The following PIGF variants were observed in gnomAD, a reference collection of about 807,000 sequenced individuals.
PIGF encodes the protein phosphatidylinositol glycan anchor biosynthesis class F, also known as GPI ethanolamine phosphate transferase, stabilizing subunit.
Under a neutral mutation model 26.0 loss-of-function variants are expected in PIGF, and 23 were observed. The observed-to-expected ratio is 0.88, with a 90% CI of 0.64 to 1.25. The LOEUF is 1.25. Ranked by LOEUF, PIGF falls within the 50% of genes most tolerant of loss-of-function variation. PIGF has a pLI of 0.00. For synonymous variants in PIGF, 93 were observed against 92.6 expected (o/e 1.00, Z -0.03); for missense variants, 278 against 249.9 (o/e 1.11, Z -0.76).
intron 5 of PIGF, among the ~76,000 whole-genome samples, chr2:46,591,022 G>T (rs952461914): frequency 1.2e-4 from 18 of 152,144 alleles, no homozygotes; most frequent in African/African-American, 4.3e-4. Flanking sequence ...ATGTATCAAA[G>T]ATTTAATTCA....
chr2:46,594,787 G>A (rs1472218883), intron 4 of PIGF, among the ~76,000 whole-genome samples: 1 of 151,394 alleles, frequency 6.6e-6, no homozygotes, highest in Non-Finnish European at 1.5e-5. Context: ...GCCGGCCTCA[G>A]CCTCCCAAAG....
intron 4 of PIGF, 54 bp from the exon 5 acceptor site, chr2:46,592,637 A>T (rs1261399345): frequency 1.5e-5 from 13 of 849,464 alleles, no homozygotes; most frequent in Non-Finnish European, 2.5e-5. Flanking sequence ...GCTGCTGGAG[A>T]ATCCAACAAG....
At chr2:46,590,577 CTTTA>C (rs745901123) in intron 5 of PIGF, among the ~76,000 whole-genome samples, 20 of 152,170 alleles carry the variant, frequency 1.3e-4, no homozygotes, top group African/African-American at 2.6e-4. Flanking sequence ...TCCCATAGTA[CTTTA>C]TTTATCAATA....
At chr2:46,606,224 C>A (rs1311485988) in intron 4 of PIGF, among the ~76,000 whole-genome samples, 1 of 152,208 alleles carries the variant, frequency 6.6e-6, no homozygotes, top group East Asian at 1.9e-4. Context: ...AGTGGAAAGT[C>A]TCCTTACTTT....
At chr2:46,614,698 C>A in intron 2 of PIGF, 1 of 365,668 alleles carries the variant, frequency 2.7e-6, no homozygotes, top group South Asian at 4.0e-5. Context: ...TATATAGGCT[C>A]ACAATATTAT....
At chr2:46,613,615 C>G (rs1670498353) in intron 3 of PIGF, 79 bp downstream of exon 3, 2 of 1,009,874 alleles carry the variant, frequency 2.0e-6, no homozygotes, top group Non-Finnish European at 2.8e-6. Context: ...TGGTTTTTCT[C>G]TAGTTGCTAA....
intron 4 of PIGF, among the ~76,000 whole-genome samples, chr2:46,595,639 A>G (rs559648577): frequency 6.6e-6 from 1 of 152,342 alleles, no homozygotes; most frequent in South Asian, 2.1e-4. Flanking sequence ...GTTAGGTCCT[A>G]TGGAAACTCT....
At chr2:46,595,977 C>T (rs1305879620) in intron 4 of PIGF, among the ~76,000 whole-genome samples, 4 of 152,038 alleles carry the variant, frequency 2.6e-5, no homozygotes, top group Non-Finnish European at 4.4e-5. Context: ...CACTTCAGGA[C>T]GCAGAGGCGG....
Position 46,616,237 on chromosome 2 carries a change from G to A in PIGF, c.-22+733C>T, listed in dbSNP as rs150892908. The A allele has an allele frequency of 6.7e-3, 1,025 of 152,378 alleles. 5 individuals carry two copies. The highest frequency in any genetic ancestry group is 0.014 in the Middle Eastern group (4 of 294). The allele number at this position is 152,378 out of a possible 1,614,324, so 9.4% of individuals were successfully genotyped here. A position where few individuals can be genotyped will look rare whatever the true frequency, so the allele number is the denominator to read the frequency against. ...CCCATGCGCTACAGCCATCTCTCTG[G>A]TATAAGGAAATACACTAGGCATGAA... On this transcript the variant is annotated intron_variant, in intron 1 of 5. Coordinates refer to ENST00000281382, the MANE Select transcript of PIGF (RefSeq NM_002643.4).
chr2:46,612,401 C>T (rs1022559800), intron 3 of PIGF, 57 bp from the exon 4 acceptor site: 9 of 514,048 alleles, frequency 1.8e-5, no homozygotes, highest in African/African-American at 1.4e-4. Flanking sequence ...CATACACATA[C>T]ATAATCTTTA....
rs1234218237 is a variant in PIGF at position 46,588,193 on chromosome 2, C to G, written c.546+4282G>C. ...TTCTACTGTCATCTGAAATGTCAGA[C>G]AGGATTGAAAATTATGTGAAATCCA... On this transcript the variant is annotated intron_variant, in intron 5 of 5. Transcript: ENST00000281382. The surrounding 1 kb of genome is among the most constrained non-coding windows in gnomAD (Gnocchi z 4.1). 6.2e-7 allele frequency: 1 copy of G among 1,610,282 alleles called. No homozygotes were observed. Among genetic ancestry groups the G allele is most frequent in the Non-Finnish European group, 8.5e-7 (1 of 1,178,522 alleles).
chr2:46,611,854 G>A (rs1167339465), intron 4 of PIGF, among the ~76,000 whole-genome samples: 1 of 152,140 alleles, frequency 6.6e-6, no homozygotes, highest in Non-Finnish European at 1.5e-5. Flanking sequence ...TAAAATGTAT[G>A]TAAGCAATTT....
Position 46,591,811 on chromosome 2 carries a change from G to T in PIGF, c.546+664C>A, listed in dbSNP as rs563446958. 3,131 of 1,292,966 alleles carry T rather than the reference G, an allele frequency of 2.4e-3. 92 individuals carry two copies. The South Asian group carries it at 0.037, about 15-fold the overall frequency. 80.1% of individuals were successfully genotyped at this position (1,292,966 alleles called of 1,614,324 possible). On this transcript the variant is annotated intron_variant, in intron 5 of 5. Transcript: ENST00000281382. Reference sequence around the variant, plus strand: ...ATAAAAAGAGCACTTACCTCACAGTGCTTTACCTAGCATATCAGCTTTATC... The same window carrying T: ...ATAAAAAGAGCACTTACCTCACAGTTCTTTACCTAGCATATCAGCTTTATC...
intron 4 of PIGF, among the ~76,000 whole-genome samples, chr2:46,599,159 C>G (rs924205755): frequency 2.0e-5 from 3 of 152,170 alleles, no homozygotes; most frequent in African/African-American, 7.2e-5. Context: ...ACCCAACAGG[C>G]TCAGTATCTG....
chr2:46,582,346 A>C (rs1357680026), intron 5 of PIGF: 1 of 152,082 alleles, frequency 6.6e-6, no homozygotes, highest in Non-Finnish European at 1.5e-5. Context: ...TATTTGGTAC[A>C]CTGGAGCCAT....
intron 4 of PIGF, among the ~76,000 whole-genome samples, chr2:46,598,576 T>A (rs1446658092): frequency 1.4e-5 from 2 of 145,274 alleles, no homozygotes; most frequent in South Asian, 2.2e-4. Flanking sequence ...ATCGTGAGTG[T>A]TAATGTATTG....
rs79034468 is a variant in PIGF at position 46,613,196 on chromosome 2, A to G, written c.320+498T>C. Among the ~76,000 whole-genome samples, 8 of 152,268 alleles carry G rather than the reference A, an allele frequency of 5.3e-5. No individual in the cohort carries two copies. The East Asian group carries it at 7.7e-4, about 15-fold the overall frequency. The stretch of plus-strand genomic sequence containing the variant: ...GATAAACATTATGTAAGAAACATTC[A>G]TGAATTTTGTTTCTAAGAATTTGAA... On this transcript the variant is annotated intron_variant, in intron 3 of 5. Transcript: ENST00000281382.
intron 4 of PIGF, among the ~76,000 whole-genome samples, chr2:46,597,167 T>A (rs1015506906): frequency 1.3e-5 from 2 of 152,176 alleles, no homozygotes; most frequent in African/African-American, 4.8e-5. Flanking sequence ...TTTGCCTCTC[T>A]CAGTTCTTTT....
chr2:46,583,536 T>C (rs1239511732), intron 5 of PIGF, among the ~76,000 whole-genome samples: 3 of 151,992 alleles, frequency 2.0e-5, no homozygotes, highest in African/African-American at 2.4e-5. Flanking sequence ...GGGTTTGGAG[T>C]TCCCCATTGC....
Sources: allele counts gnomAD v4.1 joint callset (sites outside exome capture counted in the v4.1 genomes callset), GRCh38; gene constraint gnomAD v4.1.1; non-coding constraint Gnocchi (gnomAD v3.1); transcripts MANE v1.5; gene names NCBI Gene and HGNC (gene_info 2026-07-23, HGNC 2026-07-21).